Variants in LAMA5 observed in about 807,000 individuals in gnomAD.
LAMA5 encodes laminin subunit alpha 5, also known as laminin subunit alpha-5.
Under a neutral mutation model 433.4 loss-of-function variants are expected in LAMA5, and 260 were observed. The ratio of observed to expected loss-of-function variants is 0.60; its 90% CI spans 0.54 to 0.66. The LOEUF is 0.66. Ranked by LOEUF, LAMA5 falls within the 30% of genes least tolerant of loss-of-function variation. The pLI is 0.00. For synonymous variants in LAMA5, 2,620 were observed against 2,226.6 expected, an observed-to-expected ratio of 1.18 and a Z score of -4.97; for missense variants, 5,378 against 5,258.5, an observed-to-expected ratio of 1.02 and a Z score of -0.70.
intron 3 of LAMA5, among the ~76,000 whole-genome samples, 182 bp from the exon 4 acceptor site, chr20:62,352,542 C>T (rs557455386): frequency 2.0e-5 from 3 of 152,308 alleles, no homozygotes; most frequent in South Asian, 4.1e-4. Flanking sequence ...GCACTGCCCC[C>T]CACCGCTCTC....
intron 39 of LAMA5, 50 bp from the exon 40 acceptor site, chr20:62,326,810 T>G (rs1979370453): frequency 6.2e-7 from 1 of 1,602,888 alleles, no homozygotes; most frequent in South Asian, 1.1e-5. Flanking sequence ...TGGACCACGG[T>G]GCCACTGCGC....
At chr20:62,320,047 A>G (rs1280641956) in intron 50 of LAMA5, among the ~76,000 whole-genome samples, 1 of 152,188 alleles carries the variant, frequency 6.6e-6, no homozygotes, top group East Asian at 1.9e-4. Context: ...GGCCGGCCAC[A>G]GTGGCTCACG....
chr20:62,313,790 A>C lies in LAMA5; in HGVS notation c.8517T>G (p.Phe2839Leu). Residue 2839 changes from phenylalanine (F) to leucine (L), a missense_variant, in exon 63 of 80, where the codon TTT (phenylalanine) becomes TTG (leucine). By Grantham distance (22) the Phe-to-Leu change is conservative (BLOSUM62 0). Transcript: ENST00000252999. ...TCTCCACTGTGACGGACATGTGGCC[A>C]AACTGGAGAGTCCTGAGGGCAGAGG... ...AAVSLDRTLQ[F>L]GHMSVTVERQ... 1 of 1,612,696 alleles carries C rather than the reference A, an allele frequency of 6.2e-7. No individual in the cohort carries two copies. The highest frequency in any genetic ancestry group is 2.2e-5 in the East Asian group (1 of 44,864).
At position 62,325,358 on chromosome 20, in the gene LAMA5, C is replaced by T. The variant is rs1398483982; in HGVS notation, c.5487G>A (p.Glu1829=). Residue 1829 remains glutamate, a synonymous_variant, in exon 41 of 80, where the codon GAG becomes GAA. Transcript: ENST00000252999. ...AGQGALASNV[E]LCLCPASYRG... is the part of the protein sequence containing the mutation. ...GGTAGCTGGCGGGGCACAGGCACAG[C>T]TCCACATTGCTGGCCAGGGCCCCCT... The T allele has an allele frequency of 1.2e-6, 2 of 1,606,184 alleles. No individual in the cohort carries two copies. Among genetic ancestry groups the T allele is most frequent in the East Asian group, 4.5e-5 (2 of 44,716 alleles).
At chr20:62,364,821 C>T (rs1345070881) in intron 1 of LAMA5, among the ~76,000 whole-genome samples, 1 of 152,264 alleles carries the variant, frequency 6.6e-6, no homozygotes, top group Non-Finnish European at 1.5e-5. Context: ...CAGAGGGTCC[C>T]TGAGAGCCCC....
At chr20:62,361,298 G>A (rs1986104919) in intron 2 of LAMA5, among the ~76,000 whole-genome samples, 1 of 152,110 alleles carries the variant, frequency 6.6e-6, no homozygotes, top group African/African-American at 2.4e-5. Flanking sequence ...AGGGAGCCCA[G>A]GACAGGCAAC....
At chr20:62,352,846 T>G in intron 3 of LAMA5, 1 of 398,946 alleles carries the variant, frequency 2.5e-6, no homozygotes. Flanking sequence ...CCAGGCCCCT[T>G]TTGTCACCAC....
rs1366732752 is a variant in LAMA5, at chr20:62,352,277, C to T, written c.652G>A (p.Glu218Lys). 2 of 1,600,104 alleles carry T rather than the reference C, an allele frequency of 1.2e-6. No homozygotes were observed. The highest frequency in any genetic ancestry group is 1.1e-5 in the South Asian group (1 of 91,050). ...TRDDAAICTT[E>K]YSRIVPLENG... ...TCCAGGGGCACGATGCGTGAGTACTCGGTGGTGCAGATGGCCGCGTCGTCC... is the reference window on the plus strand; with the variant it reads ...TCCAGGGGCACGATGCGTGAGTACTTGGTGGTGCAGATGGCCGCGTCGTCC... Residue 218 changes from glutamate to lysine, a missense_variant, in exon 4 of 80, where the codon GAG becomes AAG. Physicochemically the swap from Glu to Lys is moderately conservative, Grantham distance 56 (BLOSUM62 1). Coordinates refer to ENST00000252999, the MANE Select transcript of LAMA5 (RefSeq NM_005560.6).
At chr20:62,326,792 C>G (rs373069041) in intron 39 of LAMA5, 32 bp from the exon 40 acceptor site, 20 of 1,609,724 alleles carry the variant, frequency 1.2e-5, no homozygotes, top group African/African-American at 4.0e-5. Flanking sequence ...TGAGGGTTGG[C>G]ACGGGCCTGG....
chr20:62,365,314 G>C (rs1986597101), intron 1 of LAMA5, among the ~76,000 whole-genome samples: 1 of 152,218 alleles, frequency 6.6e-6, no homozygotes. Context: ...GGTGAGGGGG[G>C]CCAGCACGCT....
chr20:62,319,517 C>A lies in LAMA5; in HGVS notation c.6871+167G>T, dbSNP rs542264690. ...CACCTGTCTGGCCACACGGCTGTGT[C>A]GCCGACCTCCTGACCCTGCCCTACT... On this transcript the variant is annotated intron_variant, in intron 51 of 79. Transcript: ENST00000252999. Among the ~76,000 whole-genome samples, 62 of 152,288 alleles carry A rather than the reference C, an allele frequency of 4.1e-4. No individual in the cohort carries two copies. In the South Asian group the frequency reaches 0.01, roughly 25 times the overall value.
At position 62,313,488 on chromosome 20, in the gene LAMA5, C is replaced by G. The variant is rs765853716; in HGVS notation, c.8659-28G>C. The G allele has an allele frequency of 1.0e-5, 16 of 1,579,676 alleles. No individual in the cohort carries two copies. In the Admixed American group the frequency reaches 2.5e-4, roughly 25 times the overall value. On this transcript the variant is annotated intron_variant, in intron 63 of 79. Transcript: ENST00000252999. ...GTGGGCACAGGGCTGGGTCAGGGCA[C>G]CTGGCCTGAGGCGCCTCCCCTCCAG...
chr20:62,353,409 C>T (rs994075164), intron 2 of LAMA5, 158 bp from the exon 3 acceptor site: 23 of 567,726 alleles, frequency 4.1e-5, no homozygotes, highest in African/African-American at 3.7e-4. Context: ...GTGGGGCAGA[C>T]GAACCCAGGG....
chr20:62,332,374 G>A lies in LAMA5; in HGVS notation c.3550C>T (p.Leu1184=). 6.2e-7 allele frequency: 1 copy of A among 1,609,846 alleles called. No individual in the cohort carries two copies. The highest frequency in any genetic ancestry group is 8.5e-7 in the Non-Finnish European group (1 of 1,177,298). Residue 1184 remains leucine (L), a splice_region_variant and synonymous_variant, in exon 28 of 80, where the codon CTG becomes TTG. Coordinates refer to ENST00000252999, the MANE Select transcript of LAMA5 (RefSeq NM_005560.6). The stretch of plus-strand genomic sequence containing the variant: ...GTGGGGACCTGAGGGGTCCTTACCA[G>A]GAAGAAGCGTGCCTGTTCGGCTGTG... ...RLTAEQARFF[L]HGVTLVPIEE...
intron 40 of LAMA5, among the ~76,000 whole-genome samples, 160 bp from the exon 41 acceptor site, chr20:62,325,706 G>T (rs1601330304): frequency 1.3e-5 from 2 of 152,130 alleles, no homozygotes; most frequent in East Asian, 3.8e-4. Flanking sequence ...CATGAGGCCA[G>T]CCAGCACCTA....
rs183825475 is a variant in LAMA5 at position 62,323,244 on chromosome 20, C to T, written c.6064+212G>A. Among the ~76,000 whole-genome samples the T allele has an allele frequency of 1.0e-3, 155 of 150,542 alleles. 2 individuals carry two copies. The highest frequency in any genetic ancestry group is 3.7e-3 in the African/African-American group (152 of 41,060). ...AGGCCTGATGGTGAAGGGGCCTGAT[C>T]GCTGGGGCGGGAGGGCCTGATCGCT... is the stretch of plus-strand genomic sequence containing the variant. On this transcript the variant is annotated intron_variant, in intron 45 of 79. Transcript: ENST00000252999.
Position 62,346,760 on chromosome 20 carries a change from G to T in LAMA5, c.1113C>A (p.Asp371Glu). ...CYGHATDCYY[D>E]PEVDRRRASQ... ...TGGCGCGGCGCCGGTCCACCTCAGGGTCGTAGTAACAGTCGGTGGCATGGC... is the reference window on the plus strand; with the variant it reads ...TGGCGCGGCGCCGGTCCACCTCAGGTTCGTAGTAACAGTCGGTGGCATGGC... Residue 371 changes from aspartate (D) to glutamate (E), a missense_variant, in exon 8 of 80, where the codon GAC becomes GAA. Transcript: ENST00000252999. 2 of 1,612,934 alleles carry T rather than the reference G, an allele frequency of 1.2e-6. No individual in the cohort carries two copies. Among genetic ancestry groups the T allele is most frequent in the Non-Finnish European group, 1.7e-6 (2 of 1,179,806 alleles).
In LAMA5 at chr20:62,318,568, G is replaced by A; in HGVS notation, c.7125C>T (p.Ala2375=). 1.9e-6 allele frequency: 3 copies of A among 1,610,450 alleles called. No homozygotes were observed. Among genetic ancestry groups the A allele is most frequent in the Non-Finnish European group, 1.7e-6 (2 of 1,179,034 alleles). Residue 2375 remains alanine, a synonymous_variant, in exon 53 of 80, where the codon GCC becomes GCT. Coordinates refer to ENST00000252999, the MANE Select transcript of LAMA5 (RefSeq NM_005560.6). Reference sequence around the variant, plus strand: ...GGTCCATGAGGCCGGCCTCGTGCTGGGCCAGCCGGTCGCGGGTTTGTGTGG... The same window carrying A: ...GGTCCATGAGGCCGGCCTCGTGCTGAGCCAGCCGGTCGCGGGTTTGTGTGG... ...ALATQTRDRL[A]QHEAGLMDLR... is the part of the protein sequence containing the mutation.
chr20:62,328,529 G>A (rs1455018499), intron 34 of LAMA5, 84 bp from the exon 35 acceptor site: 7 of 1,363,172 alleles, frequency 5.1e-6, no homozygotes, highest in Admixed American at 2.9e-5. Flanking sequence ...TAGGGGATGT[G>A]GCAGTGTGAC....
Sources: allele counts gnomAD v4.1 joint callset (sites outside exome capture counted in the v4.1 genomes callset), GRCh38; gene constraint gnomAD v4.1.1; transcripts MANE v1.5; gene names NCBI Gene and HGNC (gene_info 2026-07-23, HGNC 2026-07-21).